MYO7B: variants seen among roughly 807,000 people sequenced by gnomAD.
MYO7B encodes myosin VIIB.
A neutral mutation model predicts 259.7 loss-of-function variants in MYO7B; 212 were observed. The ratio of observed to expected loss-of-function variants is 0.82; its 90% CI spans 0.73 to 0.91. The LOEUF (loss-of-function observed/expected upper bound fraction) is 0.91, where lower values mean the gene tolerates loss of function less well. Among genes scored for constraint, MYO7B ranks in the 40% least tolerant of loss-of-function variants. The pLI, the probability that MYO7B is intolerant of heterozygous loss-of-function variation, is 0.00. For missense variants in MYO7B, 2,732 were observed against 2,813.5 expected, an observed-to-expected ratio of 0.97 and a Z score of 0.66; for synonymous variants, 1,197 against 1,166.4, an observed-to-expected ratio of 1.03 and a Z score of -0.54.
chr2:127,635,292 T>C (rs1681743449), intron 43 of MYO7B, 66 bp downstream of exon 43: 1 of 1,466,818 alleles, frequency 6.8e-7, no homozygotes, highest in African/African-American at 1.4e-5. Context: ...GTTCTGAGGC[T>C]GTAGAAGCCA....
At chr2:127,588,085 C>T (rs1679369625) in intron 14 of MYO7B, among the ~76,000 whole-genome samples, 1 of 152,196 alleles carries the variant, frequency 6.6e-6, no homozygotes, top group African/African-American at 2.4e-5. Context: ...TGTTTTTAGT[C>T]TGAAGGAGCC....
intron 8 of MYO7B, 71 bp from the exon 9 acceptor site, chr2:127,578,062 C>G (rs1199768166): frequency 1.3e-6 from 2 of 1,581,770 alleles, no homozygotes; most frequent in African/African-American, 2.7e-5. Context: ...AGTGTCTCAG[C>G]CTTGCTGGTC....
chr2:127,621,507 G>A (rs550475615), intron 27 of MYO7B, among the ~76,000 whole-genome samples: 4 of 152,206 alleles, frequency 2.6e-5, no homozygotes, highest in South Asian at 4.2e-4. Flanking sequence ...GTGATCCTCC[G>A]ACCTTGGCCT....
intron 6 of MYO7B, among the ~76,000 whole-genome samples, chr2:127,571,264 G>A (rs1225313755): frequency 6.6e-6 from 1 of 152,092 alleles, no homozygotes; most frequent in African/African-American, 2.4e-5. Flanking sequence ...GAAGGACCTG[G>A]TCTGCCTTCT....
At position 127,573,904 on chromosome 2, in the gene MYO7B, G is replaced by T. The variant is rs114764571; in HGVS notation, c.593-16G>T. 6 of 1,613,738 alleles carry T rather than the reference G, an allele frequency of 3.7e-6. No individual in the cohort carries two copies. In the African/African-American group the frequency reaches 8.0e-5, roughly 22 times the overall value. On this transcript the variant is annotated splice_polypyrimidine_tract_variant and intron_variant, in intron 6 of 47. Transcript: ENST00000409816. Reference sequence around the variant, plus strand: ...CCTCTCTGCTCCCATCATGGGCATCGCCCGCTTACCTTCAGCCTTTGGAAA... The same window carrying T: ...CCTCTCTGCTCCCATCATGGGCATCTCCCGCTTACCTTCAGCCTTTGGAAA...
chr2:127,550,382 A>G (rs1432027907), intron 1 of MYO7B, among the ~76,000 whole-genome samples: 1 of 152,178 alleles, frequency 6.6e-6, no homozygotes, highest in Non-Finnish European at 1.5e-5. Flanking sequence ...CCTGGCCAAC[A>G]TGGAGAAACC....
In MYO7B at chr2:127,609,412, GCCCCCGTGCTGC is replaced by G; in HGVS notation, c.2815-91_2815-80del. 1 of 1,149,928 alleles carries G rather than the reference GCCCCCGTGCTGC, an allele frequency of 8.7e-7. No individual in the cohort carries two copies. Among genetic ancestry groups the G allele is most frequent in the Non-Finnish European group, 1.3e-6 (1 of 793,658 alleles). 71.2% of individuals were successfully genotyped at this position (1,149,928 alleles called of 1,614,324 possible). On this transcript the variant is annotated intron_variant, in intron 22 of 47. Coordinates refer to ENST00000409816, the MANE Select transcript of MYO7B (RefSeq NM_001393586.1). The surrounding 1 kb of genome is among the most constrained non-coding windows in gnomAD (Gnocchi z 6.9). ...CCTGAGGGATCAGGGTAATGCAACA[GCCCCCGTGCTGC>G]CCGGCCTGCTGGACAGTCAGCTGAT... is the stretch of plus-strand genomic sequence containing the variant.
At chr2:127,578,066 G>T (rs1678948303) in intron 8 of MYO7B, 67 bp from the exon 9 acceptor site, 1 of 1,589,402 alleles carries the variant, frequency 6.3e-7, no homozygotes, top group Non-Finnish European at 8.6e-7. Context: ...TCTCAGCCTT[G>T]CTGGTCCCAG....
Position 127,592,794 on chromosome 2 carries a change from CTG to C in MYO7B, c.1995_1996del (p.Phe666ArgfsTer63), listed in dbSNP as rs1376396847. 38 of 1,609,198 alleles carry C rather than the reference CTG, an allele frequency of 2.4e-5. No homozygotes were observed. Among genetic ancestry groups the C allele is most frequent in the Non-Finnish European group, 3.1e-5 (37 of 1,178,448 alleles). On this transcript the variant is annotated frameshift_variant and splice_region_variant, in exon 17 of 48. Transcript: ENST00000409816. LOFTEE classifies it high-confidence loss of function. ...GTCAGCGCCCGGTGTCCGCCCACAGCTGTTCGACCGGGAGCTGTGCCTGCGGC... is the reference window on the plus strand; with the variant it reads ...GTCAGCGCCCGGTGTCCGCCCACAGCTTCGACCGGGAGCTGTGCCTGCGGC... Reference protein sequence around the residue: ...IKPNEYKKPLLFDRELCLRQL... With the variant: ...IKPNEYKKPLXFDRELCLRQL...
intron 1 of MYO7B, among the ~76,000 whole-genome samples, chr2:127,536,146 C>T (rs1692766010): frequency 6.6e-6 from 1 of 152,166 alleles, no homozygotes; most frequent in Admixed American, 6.5e-5. Context: ...CCTGAAGCCT[C>T]CTCACAGCTA....
rs181170647 is a variant in MYO7B at position 127,601,373 on chromosome 2, T to C, written c.2340-4471T>C. Among the ~76,000 whole-genome samples the C allele has an allele frequency of 5.2e-4, 79 of 152,352 alleles. No individual in the cohort carries two copies. The South Asian group carries it at 6.6e-3, about 13-fold the overall frequency. On this transcript the variant is annotated intron_variant, in intron 19 of 47. Transcript: ENST00000409816. ...GAGGTGTTGAAGTCTATATTGTTGC[T>C]GATTTTCTGTCTATGTGTTTTATCA...
intron 2 of MYO7B, among the ~76,000 whole-genome samples, chr2:127,562,453 C>T (rs895630795): frequency 2.5e-4 from 38 of 150,870 alleles, no homozygotes; most frequent in Non-Finnish European, 4.1e-4. Context: ...CCCACCACCA[C>T]GCCCAGCTAA....
intron 1 of MYO7B, among the ~76,000 whole-genome samples, chr2:127,542,643 G>T (rs959114417): frequency 6.6e-6 from 1 of 152,226 alleles, no homozygotes; most frequent in African/African-American, 2.4e-5. Flanking sequence ...ACTGAGAAAA[G>T]AAAGAGACAC....
rs374621759 is a variant in MYO7B at position 127,622,011 on chromosome 2, G to A, written c.3555G>A (p.Pro1185=). Residue 1185 remains proline, a synonymous_variant, in exon 28 of 48, where the codon CCG becomes CCA. Coordinates refer to ENST00000409816, the MANE Select transcript of MYO7B (RefSeq NM_001393586.1). The part of the protein sequence containing the change: ...KYLLNFIGQG[P]ATYGPFCAER... ...TACTGAACTTCATCGGCCAAGGGCC[G>A]GCGACCTACGGCCCCTTCTGTGCCG... is the stretch of plus-strand genomic sequence containing the variant. 204 of 1,551,778 alleles carry A rather than the reference G, an allele frequency of 1.3e-4. No individual in the cohort carries two copies. The African/African-American group carries it at 1.7e-3, about 13-fold the overall frequency.
Position 127,624,175 on chromosome 2 carries a change from G to C in MYO7B, c.3902G>C (p.Ser1301Thr), listed in dbSNP as rs773693151. Reference sequence around the variant, plus strand: ...CAGATGGCCCAGGAGAGGGGCGAGAGCCAGCGCCAGTCACCCTGGCGCATC... The same window carrying C: ...CAGATGGCCCAGGAGAGGGGCGAGACCCAGCGCCAGTCACCCTGGCGCATC... ...CEQMAQERGE[S>T]QRQSPWRIYF... is the part of the protein sequence containing the mutation. The change falls in exon 30 of 48, where the codon AGC (serine) becomes ACC (threonine). Residue 1301 changes from serine (S) to threonine (T), a missense_variant. By Grantham distance (58) the Ser-to-Thr change is moderately conservative. Coordinates refer to ENST00000409816, the MANE Select transcript of MYO7B (RefSeq NM_001393586.1). 2.1e-5 allele frequency: 34 copies of C among 1,597,078 alleles called. No individual in the cohort carries two copies. In the East Asian group the frequency reaches 7.0e-4, roughly 33 times the overall value.
At chr2:127,587,672 G>A (rs1467085517) in intron 14 of MYO7B, among the ~76,000 whole-genome samples, 2 of 150,804 alleles carry the variant, frequency 1.3e-5, no homozygotes, top group Non-Finnish European at 2.9e-5. Context: ...GGCTTCAAGC[G>A]ATTCTCCTGC....
At chr2:127,551,443 C>A (rs114652002) in intron 1 of MYO7B, among the ~76,000 whole-genome samples, 1,897 of 152,292 alleles carry the variant, frequency 0.012, 36 homozygotes, top group African/African-American at 0.044. Context: ...AACCTCCAGG[C>A]TCCCCAGGCT....
At chr2:127,540,055 C>T (rs901934672) in intron 1 of MYO7B, among the ~76,000 whole-genome samples, 2 of 152,236 alleles carry the variant, frequency 1.3e-5, no homozygotes, top group South Asian at 4.1e-4. Flanking sequence ...GTACGTATAC[C>T]ACATTTTCTT....
Position 127,637,484 on chromosome 2 carries a change from CCCTCTCAACCCAGGG to C in MYO7B, c.*71_*85del, listed in dbSNP as rs959284714. The C allele has an allele frequency of 7.4e-6, 9 of 1,212,154 alleles. No homozygotes were observed. The African/African-American group carries it at 1.2e-4, about 17-fold the overall frequency. 75.1% of individuals were successfully genotyped at this position (1,212,154 alleles called of 1,614,324 possible). ...TCTAGCCTGGCGGCACCTTCCCAGG[CCCTCTCAACCCAGGG>C]CCTGTCCTTGGCGGGCAGCCTTCCA... On this transcript the variant is annotated 3_prime_UTR_variant, in exon 48 of 48. Coordinates refer to ENST00000409816, the MANE Select transcript of MYO7B (RefSeq NM_001393586.1).
Sources: allele counts gnomAD v4.1 joint callset (sites outside exome capture counted in the v4.1 genomes callset), GRCh38; gene constraint gnomAD v4.1.1; non-coding constraint Gnocchi (gnomAD v3.1); transcripts MANE v1.5; gene names NCBI Gene and HGNC (gene_info 2026-07-23, HGNC 2026-07-21).